Variants in DIS3L2 observed in about 807,000 individuals in gnomAD.
The protein encoded by DIS3L2 is DIS3 like 3'-5' exoribonuclease 2.
In DIS3L2, 34 loss-of-function variants were observed where a neutral mutation model predicts 97.5. That is an observed-to-expected ratio of 0.35 (90% CI 0.27 to 0.46). The LOEUF (loss-of-function observed/expected upper bound fraction) is 0.46. Among genes scored for constraint, DIS3L2 ranks in the 20% least tolerant of loss-of-function variants. DIS3L2 has a pLI of 1.00. For missense variants in DIS3L2, 1,038 were observed against 1,146.0 expected (o/e 0.91, Z 1.36); for synonymous variants, 435 against 445.2 (o/e 0.98, Z 0.29).
In DIS3L2 at chr2:232,293,434, A is replaced by T. The variant is rs902671647; in HGVS notation, c.1660-6606A>T. ...TACCTCTGGCATTCCAGCGAAGGGG[A>T]AAACAAAAGATCAGGGCCACTTTGA... On this transcript the variant is annotated intron_variant, in intron 13 of 20. Transcript: ENST00000325385. This position sits in a 1 kb window ranked among gnomAD's most constrained non-coding sequence, Gnocchi z 4.6. 3.3e-5 allele frequency among the ~76,000 whole-genome samples: 5 copies of T among 152,286 alleles called. No individual in the cohort carries two copies. In the East Asian group the frequency reaches 9.7e-4, roughly 29 times the overall value.
chr2:232,321,726 G>C (rs991054071), intron 14 of DIS3L2, among the ~76,000 whole-genome samples: 12 of 152,340 alleles, frequency 7.9e-5, no homozygotes, highest in Non-Finnish European at 1.0e-4. Context: ...GGAGGCCGTG[G>C]CGCGGGCCTG....
chr2:232,092,778 A>G (rs1696883294), intron 6 of DIS3L2, among the ~76,000 whole-genome samples: 1 of 152,112 alleles, frequency 6.6e-6, no homozygotes, highest in Admixed American at 6.5e-5. Flanking sequence ...TTTCAGTTCT[A>G]ATAGTTTTTT....
intron 9 of DIS3L2, among the ~76,000 whole-genome samples, chr2:232,173,980 A>C (rs1691073620): frequency 6.6e-6 from 1 of 152,180 alleles, no homozygotes. Flanking sequence ...GGAGGCACTC[A>C]GGATTTTCAT....
intron 10 of DIS3L2, among the ~76,000 whole-genome samples, chr2:232,219,270 G>T (rs999673271): frequency 3.9e-5 from 6 of 152,148 alleles, no homozygotes; most frequent in African/African-American, 1.4e-4. Flanking sequence ...TAAGAGCAGG[G>T]TGTTCCTTGG....
At chr2:232,218,354 G>A (rs1349083768) in intron 10 of DIS3L2, among the ~76,000 whole-genome samples, 1 of 152,196 alleles carries the variant, frequency 6.6e-6, no homozygotes, top group Non-Finnish European at 1.5e-5. Flanking sequence ...GCTCAGGTAT[G>A]TCTGGGTTTG....
At chr2:232,253,910 T>C (rs943708411) in intron 12 of DIS3L2, among the ~76,000 whole-genome samples, 1 of 152,260 alleles carries the variant, frequency 6.6e-6, no homozygotes, top group African/African-American at 2.4e-5. Context: ...TTAATATTTT[T>C]ATTGTGAAAA....
At chr2:232,080,761 T>C (rs969955960) in intron 5 of DIS3L2, among the ~76,000 whole-genome samples, 1 of 151,552 alleles carries the variant, frequency 6.6e-6, no homozygotes, top group African/African-American at 2.4e-5. Flanking sequence ...ATTAGCCAGG[T>C]ATGGTGGCGT....
At chr2:232,032,539 C>G (rs1231798450) in intron 5 of DIS3L2, among the ~76,000 whole-genome samples, 1 of 152,114 alleles carries the variant, frequency 6.6e-6, no homozygotes, top group Non-Finnish European at 1.5e-5. Context: ...GTTTTTGTTG[C>G]AATTGCTTTT....
At chr2:232,006,335 A>G (rs1016142193) in intron 1 of DIS3L2, among the ~76,000 whole-genome samples, 4 of 152,252 alleles carry the variant, frequency 2.6e-5, no homozygotes, top group African/African-American at 4.8e-5. Flanking sequence ...CGTTGTAACA[A>G]CCTGAATTCA....
chr2:232,214,115 A>G (rs1692270356), intron 10 of DIS3L2, among the ~76,000 whole-genome samples: 1 of 152,238 alleles, frequency 6.6e-6, no homozygotes, highest in Non-Finnish European at 1.5e-5. Context: ...GTGGCGTTAT[A>G]GTGATAACCC....
intron 12 of DIS3L2, among the ~76,000 whole-genome samples, chr2:232,258,196 C>T (rs1460753442): frequency 6.6e-6 from 1 of 152,106 alleles, no homozygotes; most frequent in Non-Finnish European, 1.5e-5. Flanking sequence ...AGTGTTGGCA[C>T]TGTATTTAAT....
rs147936413 is a variant in DIS3L2, at chr2:232,250,255, G to A, written c.1425+909G>A. On this transcript the variant is annotated intron_variant, in intron 12 of 20. Transcript: ENST00000325385. ...AAAAAAAGATATTTAATTATAAAGA[G>A]GTTCCAAATAAAGATAGAGGATCAA... is the stretch of plus-strand genomic sequence containing the variant. 4.3e-3 allele frequency among the ~76,000 whole-genome samples: 651 copies of A among 152,104 alleles called. 3 individuals carry two copies. Among genetic ancestry groups the A allele is most frequent in the African/African-American group, 0.015 (614 of 41,484 alleles).
chr2:232,343,082 T>C (rs1050252035), intron 13 of DIS3L2: 1 of 432,498 alleles, frequency 2.3e-6, no homozygotes, highest in East Asian at 4.3e-5. Flanking sequence ...GTCCCCTCCA[T>C]GTTCCCCGGC....
chr2:232,059,975 A>G (rs1027494920), intron 5 of DIS3L2, among the ~76,000 whole-genome samples: 6 of 152,070 alleles, frequency 3.9e-5, no homozygotes, highest in Admixed American at 6.5e-5. Flanking sequence ...CTGGTAGAAC[A>G]ATTTATTTTC....
intron 4 of DIS3L2, among the ~76,000 whole-genome samples, chr2:232,028,116 C>T (rs1694709837): frequency 6.6e-6 from 1 of 152,264 alleles, no homozygotes; most frequent in South Asian, 2.1e-4. Context: ...ACCATCGTGG[C>T]ATATTTGTGT....
downstream of DIS3L2, among the ~76,000 whole-genome samples, chr2:232,342,183 G>A (rs149722390): frequency 2.8e-3 from 415 of 147,200 alleles, 1 homozygote; most frequent in African/African-American, 9.8e-3. Flanking sequence ...ATATATACAC[G>A]TATACATATA....
chr2:232,246,123 G>A (rs1207292610), intron 11 of DIS3L2, among the ~76,000 whole-genome samples: 1 of 152,178 alleles, frequency 6.6e-6, no homozygotes, highest in Non-Finnish European at 1.5e-5. Flanking sequence ...GGACAGTGTT[G>A]TAAATGCAGC....
intron 5 of DIS3L2, among the ~76,000 whole-genome samples, chr2:232,083,044 A>T (rs1180251854): frequency 7.0e-6 from 1 of 142,816 alleles, no homozygotes. Flanking sequence ...ATTCACTATC[A>T]TGAGAACAGC....
rs1412070060 is a variant in DIS3L2 at position 232,001,830 on chromosome 2, C to T, written c.-93-13005C>T. Among the ~76,000 whole-genome samples the T allele has an allele frequency of 2.7e-5, 4 of 149,968 alleles. No homozygotes were observed. The East Asian group carries it at 7.9e-4, about 29-fold the overall frequency. ...CCACCTCCCGGGTTCAAGCATTCTC[C>T]TGCCTCAGCCTCCTGAGTAGCTGGG... On this transcript the variant is annotated intron_variant, in intron 1 of 20. Coordinates refer to ENST00000325385, the MANE Select transcript of DIS3L2 (RefSeq NM_152383.5).
Sources: gnomAD v4.1 joint callset for allele counts (sites outside exome capture counted in the v4.1 genomes callset) on GRCh38, gnomAD v4.1.1 for gene constraint, Gnocchi (gnomAD v3.1) non-coding constraint, MANE v1.5 for transcripts, NCBI Gene and HGNC (gene_info 2026-07-23, HGNC 2026-07-21) for gene names.